Variants in DDX60L observed in about 807,000 individuals in gnomAD.
DDX60L encodes DExD/H-box 60 like.
Under a neutral mutation model 211.6 loss-of-function variants are expected in DDX60L, and 191 were observed. The observed-to-expected ratio is 0.90, with a 90% CI of 0.80 to 1.02. The LOEUF (loss-of-function observed/expected upper bound fraction) is 1.02, where lower values mean the gene tolerates loss of function less well. Ranked by LOEUF, DDX60L falls within the 50% of genes least tolerant of loss-of-function variation. The probability of loss-of-function intolerance (pLI) is 0.00; values close to 1 mark genes in which losing one functional copy is unlikely to be tolerated. For synonymous variants in DDX60L, 706 were observed against 694.1 expected (o/e 1.02, Z -0.27); for missense variants, 2,007 against 1,984.1 (o/e 1.01, Z -0.22).
intron 19 of DDX60L, 80 bp from the exon 20 acceptor site, chr4:168,416,877 T>C: frequency 1.3e-6 from 1 of 749,104 alleles, no homozygotes; most frequent in African/African-American, 1.8e-5. Context: ...TCATCATGCA[T>C]ATTTTTCCAG....
At chr4:168,366,399 C>CA (rs1042422896) in intron 36 of DDX60L, among the ~76,000 whole-genome samples, 5 of 151,400 alleles carry the variant, frequency 3.3e-5, no homozygotes, top group African/African-American at 9.7e-5. Context: ...ACAATAGCTA[C>CA]AAAAAATTAG....
intron 37 of DDX60L, among the ~76,000 whole-genome samples, chr4:168,359,028 T>C (rs1313342722): frequency 2.0e-5 from 3 of 152,202 alleles, no homozygotes; most frequent in Admixed American, 6.5e-5. Context: ...TCCCTATCCA[T>C]ATATCTTAGG....
chr4:168,432,988 A>G, intron 11 of DDX60L, 22 bp downstream of exon 11: 1 of 1,499,488 alleles, frequency 6.7e-7, no homozygotes, highest in Non-Finnish European at 9.2e-7. Context: ...GCACTAAATC[A>G]GGTACTTCAT....
At position 168,423,780 on chromosome 4, in the gene DDX60L, TAAAG is replaced by T. The variant is rs753402305; in HGVS notation, c.1931-10_1931-7del. The stretch of plus-strand genomic sequence containing the variant: ...TAAATCTTTCGAAATTTTGCCTTGT[TAAAG>T]AAACAATAAAATTGTTATAAAGAAC... On this transcript the variant is annotated splice_region_variant and splice_polypyrimidine_tract_variant and intron_variant, in intron 14 of 37. Transcript: ENST00000682922. 2 of 1,548,860 alleles carry T rather than the reference TAAAG, an allele frequency of 1.3e-6. No individual in the cohort carries two copies. Among genetic ancestry groups the T allele is most frequent in the African/African-American group, 1.4e-5 (1 of 71,566 alleles).
chr4:168,359,582 C>T (rs1037018130), intron 37 of DDX60L, among the ~76,000 whole-genome samples: 2 of 152,172 alleles, frequency 1.3e-5, no homozygotes, highest in Non-Finnish European at 2.9e-5. Context: ...CCAGCTTTAG[C>T]TCCCTGCTTT....
At chr4:168,409,049 C>T (rs1748228088) in intron 22 of DDX60L, among the ~76,000 whole-genome samples, 1 of 152,218 alleles carries the variant, frequency 6.6e-6, no homozygotes, top group African/African-American at 2.4e-5. Flanking sequence ...GATAGACCAT[C>T]TTGCTATTGT....
In DDX60L at chr4:168,400,729, C is replaced by T. The variant is rs1048252004; in HGVS notation, c.3491+97G>A. On this transcript the variant is annotated intron_variant, in intron 26 of 37. Coordinates refer to ENST00000682922, the MANE Select transcript of DDX60L (RefSeq NM_001012967.3). ...AAAAACTGTGAAGCAATAACAAGAA[C>T]CTCTTTGTGGCTCAGGTCTCTAAAC... is the stretch of plus-strand genomic sequence containing the variant. 5 of 1,091,904 alleles carry T rather than the reference C, an allele frequency of 4.6e-6. No homozygotes were observed. The African/African-American group carries it at 6.4e-5, about 14-fold the overall frequency. The allele number at this position is 1,091,904 out of a possible 1,614,324, so 67.6% of individuals were successfully genotyped here. A position where few individuals can be genotyped will look rare whatever the true frequency, so the allele number is the denominator to read the frequency against.
intron 9 of DDX60L, among the ~76,000 whole-genome samples, chr4:168,443,863 A>C (rs1485739183): frequency 6.6e-6 from 1 of 151,182 alleles, no homozygotes; most frequent in East Asian, 1.9e-4. Context: ...GCCATACAAG[A>C]GCTCCTGAAG....
In DDX60L at chr4:168,390,403, T is replaced by C. The variant is rs546097455; in HGVS notation, c.3915+1137A>G. On this transcript the variant is annotated intron_variant, in intron 29 of 37. Transcript: ENST00000682922. ...AGGTGATATGGTCTATAGCTATACT[T>C]GAGAAAAGGAAAATATGGCTTTTAA... The C allele has an allele frequency of 1.6e-5, 21 of 1,274,714 alleles. No homozygotes were observed. In the African/African-American group the frequency reaches 2.6e-4, roughly 16 times the overall value. 79.0% of individuals were successfully genotyped at this position (1,274,714 alleles called of 1,614,324 possible).
At position 168,422,601 on chromosome 4, in the gene DDX60L, T is replaced by G. The variant is rs574457909; in HGVS notation, c.2167A>C (p.Met723Leu). 6.2e-7 allele frequency: 1 copy of G among 1,613,688 alleles called. No homozygotes were observed. The highest frequency in any genetic ancestry group is 1.7e-5 in the Admixed American group (1 of 60,000). ...TCATCTCTTATCAAGTAATGGCCCATGTATTGCAGTTGAAACCGAGCTGGT... is the reference window on the plus strand; with the variant it reads ...TCATCTCTTATCAAGTAATGGCCCAGGTATTGCAGTTGAAACCGAGCTGGT... ...IGPARFQLQY[M>L]GHYLIRDERK... The change falls in exon 16 of 38, where the codon ATG becomes CTG. Residue 723 changes from methionine (M) to leucine (L), a missense_variant. Met to Leu is a conservative substitution (Grantham distance 15). Transcript: ENST00000682922.
At chr4:168,432,660 C>A in intron 11 of DDX60L, 90 bp from the exon 12 acceptor site, 1 of 704,414 alleles carries the variant, frequency 1.4e-6, no homozygotes, top group Non-Finnish European at 2.2e-6. Flanking sequence ...ATTGTACAAC[C>A]TCTTTTTCTA....
chr4:168,420,274 A>T lies in DDX60L; in HGVS notation c.2501T>A (p.Val834Glu), dbSNP rs1750277515. 6.2e-7 allele frequency: 1 copy of T among 1,600,050 alleles called. No individual in the cohort carries two copies. Among genetic ancestry groups the T allele is most frequent in the Non-Finnish European group, 8.5e-7 (1 of 1,173,482 alleles). The change falls in exon 18 of 38, where the codon GTA (valine) becomes GAA (glutamate). Residue 834 changes from valine to glutamate, a missense_variant. Coordinates refer to ENST00000682922, the MANE Select transcript of DDX60L (RefSeq NM_001012967.3). ...AATATGTCATACCTGACAGTTTAGTACATTGTGACAATAATCTCTTGTAAA... is the reference window on the plus strand; with the variant it reads ...AATATGTCATACCTGACAGTTTAGTTCATTGTGACAATAATCTCTTGTAAA... Reference protein sequence around the residue: ...GAFTRDYCHNVLNCQVLITVP... With the variant: ...GAFTRDYCHNELNCQVLITVP...
Position 168,395,950 on chromosome 4 carries a change from C to G in DDX60L, c.3657+9G>C. 1 of 1,563,500 alleles carries G rather than the reference C, an allele frequency of 6.4e-7. No individual in the cohort carries two copies. Among genetic ancestry groups the G allele is most frequent in the Non-Finnish European group, 8.7e-7 (1 of 1,143,360 alleles). On this transcript the variant is annotated intron_variant, in intron 27 of 37. Coordinates refer to ENST00000682922, the MANE Select transcript of DDX60L (RefSeq NM_001012967.3). ...TGTAACGTATTATATTAATAATTCT[C>G]TGACGTACTGAGTCTTTATTCCTGG...
intron 1 of DDX60L, among the ~76,000 whole-genome samples, chr4:168,479,480 CT>C (rs1030398891): frequency 6.6e-6 from 1 of 152,138 alleles, no homozygotes; most frequent in Non-Finnish European, 1.5e-5. Context: ...GTTCTGACCG[CT>C]TTTTCTAGCA....
At chr4:168,367,531 T>G (rs920001485) in intron 36 of DDX60L, among the ~76,000 whole-genome samples, 2 of 152,126 alleles carry the variant, frequency 1.3e-5, no homozygotes, top group African/African-American at 4.8e-5. Flanking sequence ...AGTGTGAAAA[T>G]GAACTAACAC....
At chr4:168,454,630 T>C (rs1288110737) in intron 7 of DDX60L, among the ~76,000 whole-genome samples, 1 of 152,064 alleles carries the variant, frequency 6.6e-6, no homozygotes, top group African/African-American at 2.4e-5. Context: ...AAATGTGTTA[T>C]CAGTCAAGAG....
intron 21 of DDX60L, 25 bp from the exon 22 acceptor site, chr4:168,415,542 C>A: frequency 6.7e-7 from 1 of 1,491,932 alleles, no homozygotes; most frequent in South Asian, 1.2e-5. Context: ...CAAGAATATC[C>A]AAATTAATGG....
At chr4:168,414,437 A>G (rs185680010) in intron 22 of DDX60L, among the ~76,000 whole-genome samples, 19 of 152,310 alleles carry the variant, frequency 1.2e-4, no homozygotes, top group Middle Eastern at 3.4e-3. Flanking sequence ...ATAAGATATT[A>G]ATAGAAACAA....
chr4:168,357,480 T>C lies in DDX60L; in HGVS notation c.*667A>G, dbSNP rs1738362565. The C allele has an allele frequency of 6.6e-6, 1 of 152,412 alleles. No individual in the cohort carries two copies. Among genetic ancestry groups the C allele is most frequent in the Non-Finnish European group, 1.5e-5 (1 of 68,206 alleles). The allele number at this position is 152,412 out of a possible 1,614,324, so 9.4% of individuals were successfully genotyped here. A position where few individuals can be genotyped will look rare whatever the true frequency, so the allele number is the denominator to read the frequency against. On this transcript the variant is annotated 3_prime_UTR_variant, in exon 38 of 38. Transcript: ENST00000682922. Reference sequence around the variant, plus strand: ...GCTTCTTGGTCTGCAGATGGCCATCTTCCCATTGTATCATCCAGTGGTAGT... The same window carrying C: ...GCTTCTTGGTCTGCAGATGGCCATCCTCCCATTGTATCATCCAGTGGTAGT...
Sources: allele counts gnomAD v4.1 joint callset (sites outside exome capture counted in the v4.1 genomes callset), GRCh38; gene constraint gnomAD v4.1.1; transcripts MANE v1.5; gene names NCBI Gene and HGNC (gene_info 2026-07-23, HGNC 2026-07-21).